Variants in B4GALT5 observed in about 807,000 individuals in gnomAD.
B4GALT5 encodes the protein UDP-Gal:beta-GlcNAc beta-1,4-galactosyltransferase 5.
In B4GALT5, 11 loss-of-function variants were observed where a neutral mutation model predicts 45.0. The observed-to-expected ratio is 0.24, with a 90% confidence interval of 0.15 to 0.40. B4GALT5 has a LOEUF of 0.40. Ranked by LOEUF, B4GALT5 falls within the 10% of genes least tolerant of loss-of-function variation. The pLI is 1.00. For synonymous variants in B4GALT5, 185 were observed against 182.9 expected, an observed-to-expected ratio of 1.01 and a Z score of -0.09; for missense variants, 337 against 500.2, an observed-to-expected ratio of 0.67 and a Z score of 3.11.
chr20:49,656,421 G>C (rs970048064), intron 2 of B4GALT5, 147 bp downstream of exon 2: 1 of 977,370 alleles, frequency 1.0e-6, no homozygotes, highest in African/African-American at 1.6e-5. Flanking sequence ...GATTCATTTG[G>C]CAAGAGCTTT....
intron 1 of B4GALT5, among the ~76,000 whole-genome samples, chr20:49,712,266 T>C (rs79729954): frequency 0.013 from 1,970 of 152,316 alleles, 35 homozygotes; most frequent in African/African-American, 0.045. Context: ...CTGTATGAGA[T>C]TGGGACTCAC....
chr20:49,674,669 T>C (rs1412999629), intron 1 of B4GALT5, among the ~76,000 whole-genome samples: 1 of 149,450 alleles, frequency 6.7e-6, no homozygotes, highest in African/African-American at 2.5e-5. Context: ...CTGGGAAACA[T>C]AGCGAGACCC....
intron 1 of B4GALT5, among the ~76,000 whole-genome samples, chr20:49,685,819 T>C (rs575731054): frequency 6.6e-6 from 1 of 152,290 alleles, no homozygotes; most frequent in Admixed American, 6.5e-5. Flanking sequence ...TTAGACATTT[T>C]TGGATAGTTT....
At chr20:49,687,537 G>T (rs979667755) in intron 1 of B4GALT5, among the ~76,000 whole-genome samples, 1 of 151,956 alleles carries the variant, frequency 6.6e-6, no homozygotes, top group Non-Finnish European at 1.5e-5. Context: ...CCAGCTACTC[G>T]GGAGGCTGAG....
chr20:49,710,431 T>C (rs1324197999), intron 1 of B4GALT5, among the ~76,000 whole-genome samples: 12 of 147,368 alleles, frequency 8.1e-5, no homozygotes, highest in African/African-American at 3.0e-4. Context: ...TGTGTGTGTG[T>C]GTGTATGAGA....
At chr20:49,644,808 A>G (rs1433984203) in intron 3 of B4GALT5, among the ~76,000 whole-genome samples, 1 of 152,214 alleles carries the variant, frequency 6.6e-6, no homozygotes, top group Non-Finnish European at 1.5e-5. Flanking sequence ...ATGGATGAGA[A>G]TATGTTCAAA....
chr20:49,663,690 A>AAAAAAAAAAAATATATAT (rs1555812124), intron 1 of B4GALT5, among the ~76,000 whole-genome samples: 1 of 96,962 alleles, frequency 1.0e-5, no homozygotes, highest in African/African-American at 4.5e-5. Flanking sequence ...AAAAAAAAAA[A>AAAAAAAAAAAATATATAT]ATATATACAT....
At chr20:49,643,050 G>T (rs564021445) in intron 4 of B4GALT5, among the ~76,000 whole-genome samples, 110 of 152,362 alleles carry the variant, frequency 7.2e-4, no homozygotes, top group African/African-American at 2.4e-3. Flanking sequence ...CATTTTAATA[G>T]ATACTTGTTG....
intron 5 of B4GALT5, among the ~76,000 whole-genome samples, chr20:49,641,923 T>C (rs372706988): frequency 6.6e-6 from 1 of 151,482 alleles, no homozygotes; most frequent in African/African-American, 2.4e-5. Context: ...GCAAATAAAA[T>C]ATATGCAGGA....
At chr20:49,712,868 G>A (rs1430778274) in intron 1 of B4GALT5, among the ~76,000 whole-genome samples, 1 of 149,214 alleles carries the variant, frequency 6.7e-6, no homozygotes, top group Non-Finnish European at 1.5e-5. Flanking sequence ...AGAGGCATGG[G>A]ACGCTCAGGG....
chr20:49,676,704 G>A (rs2085738984), intron 1 of B4GALT5, among the ~76,000 whole-genome samples: 1 of 152,266 alleles, frequency 6.6e-6, no homozygotes, highest in Non-Finnish European at 1.5e-5. Context: ...GTCACAGGAA[G>A]GAAGGGGAGG....
chr20:49,675,160 T>C (rs986168549), intron 1 of B4GALT5, among the ~76,000 whole-genome samples: 1 of 152,130 alleles, frequency 6.6e-6, no homozygotes, highest in Non-Finnish European at 1.5e-5. Context: ...GTGGCTGGCT[T>C]GTTCCGTGTG....
At chr20:49,647,508 C>T (rs1219224076) in intron 2 of B4GALT5, among the ~76,000 whole-genome samples, 1 of 152,150 alleles carries the variant, frequency 6.6e-6, no homozygotes, top group African/African-American at 2.4e-5. Context: ...TACCGACCTC[C>T]CACTTATCCC....
chr20:49,693,376 C>T (rs1187747123), intron 1 of B4GALT5, among the ~76,000 whole-genome samples: 1 of 152,144 alleles, frequency 6.6e-6, no homozygotes, highest in Non-Finnish European at 1.5e-5. Flanking sequence ...AACTGAAGTT[C>T]GAACAGAATG....
chr20:49,652,231 C>G (rs1264843735), intron 2 of B4GALT5, among the ~76,000 whole-genome samples: 1 of 151,896 alleles, frequency 6.6e-6, no homozygotes, highest in African/African-American at 2.4e-5. Flanking sequence ...ACCCTAATAC[C>G]TGGAGGAGGT....
At chr20:49,681,598 C>A (rs1568728541) in intron 1 of B4GALT5, among the ~76,000 whole-genome samples, 1 of 152,198 alleles carries the variant, frequency 6.6e-6, no homozygotes, top group South Asian at 2.1e-4. Context: ...CATCTCCACT[C>A]AGAAGCCTAA....
chr20:49,702,672 T>C (rs569070993), intron 1 of B4GALT5, among the ~76,000 whole-genome samples: 1 of 151,204 alleles, frequency 6.6e-6, no homozygotes, highest in African/African-American at 2.4e-5. Context: ...CTGGGCAACA[T>C]AGGGCAATCC....
chr20:49,638,756 G>C (rs997634841), intron 7 of B4GALT5, among the ~76,000 whole-genome samples: 3 of 151,628 alleles, frequency 2.0e-5, no homozygotes, highest in Non-Finnish European at 1.5e-5. Flanking sequence ...GACTACATTC[G>C]CTTATAGGAA....
At chr20:49,709,199 G>A (rs537104482) in intron 1 of B4GALT5, among the ~76,000 whole-genome samples, 58 of 152,100 alleles carry the variant, frequency 3.8e-4, no homozygotes, top group African/African-American at 1.4e-3. Context: ...TTTTTTTTAA[G>A]TTAACAGGTC....
Sources: allele counts gnomAD v4.1 joint callset (sites outside exome capture counted in the v4.1 genomes callset), GRCh38; gene constraint gnomAD v4.1.1; transcripts MANE v1.5; gene names NCBI Gene and HGNC (gene_info 2026-07-23, HGNC 2026-07-21).